GPC5: variants seen among roughly 807,000 people sequenced by gnomAD.
GPC5 encodes glypican-5.
In GPC5, 47 loss-of-function variants were observed where a neutral mutation model predicts 53.9. The observed-to-expected ratio is 0.87, with a 90% CI of 0.69 to 1.11. The LOEUF is 1.11. Ranked by LOEUF, GPC5 falls within the 50% of genes most tolerant of loss-of-function variation. GPC5 has a pLI of 0.00. For synonymous variants in GPC5, 286 were observed against 263.3 expected, an observed-to-expected ratio of 1.09 and a Z score of -0.84; for missense variants, 748 against 713.1, an observed-to-expected ratio of 1.05 and a Z score of -0.56.
At chr13:92,616,041 G>A (rs1884678072) in intron 7 of GPC5, among the ~76,000 whole-genome samples, 1 of 152,188 alleles carries the variant, frequency 6.6e-6, no homozygotes, top group South Asian at 2.1e-4. Context: ...GTGACAGAGC[G>A]AGACTCCGTC....
intron 3 of GPC5, among the ~76,000 whole-genome samples, chr13:91,696,181 T>C (rs754925086): frequency 1.7e-3 from 263 of 152,320 alleles, no homozygotes; most frequent in Non-Finnish European, 3.0e-3. Flanking sequence ...CAGGTGACTT[T>C]AGTATCTCAA....
At chr13:92,797,024 C>T (rs1368390014) in intron 7 of GPC5, among the ~76,000 whole-genome samples, 6 of 151,950 alleles carry the variant, frequency 3.9e-5, no homozygotes, top group Admixed American at 3.9e-4. Flanking sequence ...GACCACAAAA[C>T]TCACAAGTGT....
chr13:91,908,040 C>G lies in GPC5; in HGVS notation c.1384C>G (p.Leu462Val). 3 of 1,585,796 alleles carry G rather than the reference C, an allele frequency of 1.9e-6. No homozygotes were observed. Among genetic ancestry groups the G allele is most frequent in the South Asian group, 1.1e-5 (1 of 89,490 alleles). Residue 462 changes from leucine (L) to valine (V), a missense_variant, in exon 6 of 8, where the codon CTG becomes GTG. Coordinates refer to ENST00000377067, the MANE Select transcript of GPC5 (RefSeq NM_004466.6). ...DPVINQIIDK[L>V]KHVVQLLQGR... ...TGTGATAAATCAGATTATTGATAAACTGAAGCATGTTGTTCAGGTAAGTCC... is the reference window on the plus strand; with the variant it reads ...TGTGATAAATCAGATTATTGATAAAGTGAAGCATGTTGTTCAGGTAAGTCC...
intron 5 of GPC5, among the ~76,000 whole-genome samples, chr13:91,897,722 A>G (rs1463928521): frequency 6.6e-6 from 1 of 152,216 alleles, no homozygotes; most frequent in South Asian, 2.1e-4. Context: ...TGTAGGTTCA[A>G]TAAATGTATT....
At chr13:92,410,274 T>A (rs1479555122) in intron 7 of GPC5, among the ~76,000 whole-genome samples, 1 of 152,180 alleles carries the variant, frequency 6.6e-6, no homozygotes, top group Admixed American at 6.5e-5. Context: ...GAATGCAGTA[T>A]CCAGGGGCAC....
intron 7 of GPC5, among the ~76,000 whole-genome samples, chr13:92,223,843 A>T (rs535367740): frequency 4.6e-5 from 7 of 152,188 alleles, no homozygotes; most frequent in Non-Finnish European, 8.8e-5. Context: ...AATGTTTTGT[A>T]AAGGGCATTT....
At chr13:92,088,498 T>A (rs1207464106) in intron 6 of GPC5, among the ~76,000 whole-genome samples, 1 of 152,160 alleles carries the variant, frequency 6.6e-6, no homozygotes, top group African/African-American at 2.4e-5. Flanking sequence ...ATGACATGAC[T>A]GAGTCCTTAG....
chr13:92,038,672 A>G (rs1454110732), intron 6 of GPC5, among the ~76,000 whole-genome samples: 1 of 111,764 alleles, frequency 8.9e-6, no homozygotes, highest in East Asian at 3.7e-4. Context: ...GTACAAATCT[A>G]TATAGATAGA....
At chr13:91,592,502 C>T (rs2032838136) in intron 2 of GPC5, among the ~76,000 whole-genome samples, 1 of 152,162 alleles carries the variant, frequency 6.6e-6, no homozygotes, top group Non-Finnish European at 1.5e-5. Context: ...CTTTGTGGGC[C>T]AGCCCTGTGG....
intron 7 of GPC5, among the ~76,000 whole-genome samples, chr13:92,256,302 C>A (rs1215138166): frequency 1.3e-5 from 2 of 151,896 alleles, no homozygotes; most frequent in African/African-American, 4.8e-5. Flanking sequence ...ATACAGTGTT[C>A]TCTATGATCT....
At chr13:91,440,120 T>C (rs974894725) in intron 1 of GPC5, among the ~76,000 whole-genome samples, 3 of 152,192 alleles carry the variant, frequency 2.0e-5, no homozygotes, top group Non-Finnish European at 2.9e-5. Context: ...ATTTGTTAAT[T>C]TGTGGTGTTC....
intron 2 of GPC5, among the ~76,000 whole-genome samples, chr13:91,460,542 T>G (rs1881866845): frequency 6.6e-6 from 1 of 152,104 alleles, no homozygotes; most frequent in African/African-American, 2.4e-5. Flanking sequence ...CCTCAAGTGA[T>G]CCACCCACCT....
intron 5 of GPC5, among the ~76,000 whole-genome samples, chr13:91,844,206 A>C (rs924261528): frequency 1.3e-5 from 2 of 152,240 alleles, no homozygotes; most frequent in African/African-American, 4.8e-5. Flanking sequence ...ACAGAGTTTA[A>C]GGAAAAGGAG....
intron 7 of GPC5, among the ~76,000 whole-genome samples, chr13:92,663,278 A>C (rs1340065550): frequency 6.6e-6 from 1 of 152,086 alleles, no homozygotes; most frequent in East Asian, 1.9e-4. Flanking sequence ...TAAGAACATG[A>C]AATTTTTCAG....
intron 7 of GPC5, among the ~76,000 whole-genome samples, chr13:92,515,060 T>C (rs370575281): frequency 2.0e-5 from 3 of 152,092 alleles, no homozygotes; most frequent in African/African-American, 7.2e-5. Context: ...GGAGGATAAG[T>C]ATGCAATATA....
chr13:92,283,212 C>T (rs908591178), intron 7 of GPC5, among the ~76,000 whole-genome samples: 1 of 152,132 alleles, frequency 6.6e-6, no homozygotes, highest in Non-Finnish European at 1.5e-5. Flanking sequence ...TATATATGCA[C>T]CCAATACAGG....
At chr13:91,496,955 T>C (rs991406016) in intron 2 of GPC5, among the ~76,000 whole-genome samples, 1 of 152,170 alleles carries the variant, frequency 6.6e-6, no homozygotes, top group Admixed American at 6.6e-5. Context: ...ACAAAGTCCT[T>C]ATTGAAAATC....
intron 7 of GPC5, among the ~76,000 whole-genome samples, chr13:92,423,954 G>A (rs955512493): frequency 2.6e-5 from 4 of 152,120 alleles, no homozygotes; most frequent in South Asian, 2.1e-4. Context: ...ATTTCCATGT[G>A]TAGTATGTTG....
chr13:92,422,933 G>C (rs147085732), intron 7 of GPC5, among the ~76,000 whole-genome samples: 1 of 152,078 alleles, frequency 6.6e-6, no homozygotes, highest in Non-Finnish European at 1.5e-5. Context: ...TAGCCTTATC[G>C]TTCCTTCAGG....
Sources: allele counts gnomAD v4.1 joint callset (sites outside exome capture counted in the v4.1 genomes callset), GRCh38; gene constraint gnomAD v4.1.1; transcripts MANE v1.5; gene names NCBI Gene and HGNC (gene_info 2026-07-23, HGNC 2026-07-21).